CTNNA2: variants seen among roughly 807,000 people sequenced by gnomAD.
The protein encoded by CTNNA2 is catenin alpha-2.
A neutral mutation model predicts 101.0 loss-of-function variants in CTNNA2; 42 were observed. That is an observed-to-expected ratio of 0.42 (90% confidence interval 0.32 to 0.54). CTNNA2 has a LOEUF of 0.54. Among genes scored for constraint, CTNNA2 ranks in the 20% least tolerant of loss-of-function variants. The pLI, the probability that CTNNA2 is intolerant of heterozygous loss-of-function variation, is 0.14. For missense variants in CTNNA2, 871 were observed against 1,223.1 expected (o/e 0.71, Z 4.29); for synonymous variants, 450 against 456.4 (o/e 0.99, Z 0.18).
rs1292039462 is a variant in CTNNA2, at chr2:80,302,814, A to G, written c.1057-90397A>G. The G allele has an allele frequency of 6.2e-7, 1 of 1,613,920 alleles. No individual in the cohort carries two copies. Among genetic ancestry groups the G allele is most frequent in the Middle Eastern group, 1.6e-4 (1 of 6,062 alleles). ...CTGGCGCACTGCAAGTTGCCATCGT[A>G]GCGCCCCTGGAAGTTGTTGAGCCAC... is the stretch of plus-strand genomic sequence containing the variant. On this transcript the variant is annotated intron_variant, in intron 7 of 18. Coordinates refer to ENST00000402739, the MANE Select transcript of CTNNA2 (RefSeq NM_001282597.3). The surrounding 1 kb of genome is among the most constrained non-coding windows in gnomAD (Gnocchi z 6.4).
At chr2:80,606,388 A>C (rs1698010407) in intron 16 of CTNNA2, among the ~76,000 whole-genome samples, 1 of 116,334 alleles carries the variant, frequency 8.6e-6, no homozygotes, top group African/African-American at 3.6e-5. Context: ...ACACACACAC[A>C]CACACACACA....
chr2:79,869,950 A>T lies in CTNNA2; in HGVS notation c.585+15A>T, dbSNP rs558265304. ...GAAGACAACAGGTGGGAAAGATTTT[A>T]GAAATGCTAGGGGAGAAAATGGGTG... On this transcript the variant is annotated intron_variant, in intron 5 of 18. Transcript: ENST00000402739. 1.2e-5 allele frequency: 19 copies of T among 1,612,452 alleles called. No homozygotes were observed. The highest frequency in any genetic ancestry group is 1.6e-5 in the Non-Finnish European group (19 of 1,179,728).
chr2:79,370,792 T>G (rs1341948980), intron 3 of CTNNA2, among the ~76,000 whole-genome samples: 1 of 152,178 alleles, frequency 6.6e-6, no homozygotes, highest in Non-Finnish European at 1.5e-5. Flanking sequence ...TCTTCAAAAA[T>G]AGAGTCATGG....
At chr2:79,687,154 G>A (rs1234379024) in intron 2 of CTNNA2, among the ~76,000 whole-genome samples, 2 of 152,102 alleles carry the variant, frequency 1.3e-5, no homozygotes, top group African/African-American at 2.4e-5. Flanking sequence ...TGCTTGGTGA[G>A]CAGGGAATCA....
intron 2 of CTNNA2, among the ~76,000 whole-genome samples, chr2:79,663,988 C>T (rs185812326): frequency 4.6e-5 from 7 of 152,180 alleles, no homozygotes; most frequent in Admixed American, 1.3e-4. Flanking sequence ...ATTTGTTTTA[C>T]GAAGATGTTG....
At chr2:79,894,774 T>G (rs1684580774) in intron 6 of CTNNA2, among the ~76,000 whole-genome samples, 1 of 152,250 alleles carries the variant, frequency 6.6e-6, no homozygotes, top group African/African-American at 2.4e-5. Flanking sequence ...AGAATATTGT[T>G]CTGTTTTTTG....
At chr2:79,293,631 A>G (rs1325631268) in intron 2 of CTNNA2, among the ~76,000 whole-genome samples, 13 of 152,174 alleles carry the variant, frequency 8.5e-5, no homozygotes, top group Non-Finnish European at 1.8e-4. Context: ...TCAAAAGCTA[A>G]TAGAATTAAC....
intron 18 of CTNNA2, among the ~76,000 whole-genome samples, chr2:80,625,603 G>C (rs542264265): frequency 2.8e-4 from 43 of 151,924 alleles, no homozygotes; most frequent in Non-Finnish European, 5.3e-4. Context: ...GTTATAACAG[G>C]GAATATGTTT....
intron 9 of CTNNA2, among the ~76,000 whole-genome samples, chr2:80,471,138 T>C (rs969384757): frequency 6.6e-6 from 1 of 152,162 alleles, no homozygotes; most frequent in African/African-American, 2.4e-5. Context: ...AAGCACAGTA[T>C]GATTTATATT....
chr2:79,196,700 G>A (rs964000613), intron 1 of CTNNA2, among the ~76,000 whole-genome samples: 13 of 152,204 alleles, frequency 8.5e-5, no homozygotes, highest in African/African-American at 2.7e-4. Flanking sequence ...ATTTCAAAAT[G>A]TTCTGCTTTA....
At chr2:79,319,976 T>G (rs1304352459) in intron 3 of CTNNA2, 1 of 152,180 alleles carries the variant, frequency 6.6e-6, no homozygotes, top group East Asian at 1.9e-4. Flanking sequence ...TTCCCAGCCC[T>G]AGCACTACCT....
intron 1 of CTNNA2, among the ~76,000 whole-genome samples, chr2:79,596,289 G>T (rs1324871788): frequency 6.6e-6 from 1 of 152,024 alleles, no homozygotes; most frequent in Non-Finnish European, 1.5e-5. Context: ...ACAGGAGATA[G>T]TTTGTCTCAT....
chr2:79,796,901 A>G (rs1366215011), intron 3 of CTNNA2, among the ~76,000 whole-genome samples: 3 of 152,118 alleles, frequency 2.0e-5, no homozygotes, highest in African/African-American at 7.2e-5. Context: ...CAGTGCAGGG[A>G]TGAGATAGAT....
intron 7 of CTNNA2, among the ~76,000 whole-genome samples, chr2:80,126,985 C>G (rs1265133480): frequency 6.6e-6 from 1 of 152,160 alleles, no homozygotes; most frequent in Non-Finnish European, 1.5e-5. Context: ...AAATACGGCT[C>G]TTAGTCACAA....
intron 4 of CTNNA2, among the ~76,000 whole-genome samples, chr2:79,411,582 G>A (rs1205956850): frequency 9.9e-5 from 15 of 152,044 alleles, no homozygotes; most frequent in Admixed American, 4.6e-4. Flanking sequence ...GAGAGTGGGG[G>A]CCAATATTCA....
intron 7 of CTNNA2, among the ~76,000 whole-genome samples, chr2:80,201,373 T>C (rs1474650149): frequency 7.2e-6 from 1 of 138,290 alleles, no homozygotes; most frequent in Non-Finnish European, 1.6e-5. Context: ...CTTTCTTTTT[T>C]TTTTTTTTTT....
intron 12 of CTNNA2, among the ~76,000 whole-genome samples, chr2:80,569,701 G>T (rs1694403461): frequency 8.0e-6 from 1 of 125,100 alleles, no homozygotes; most frequent in Non-Finnish European, 1.6e-5. Context: ...GGAGTGCAGT[G>T]GCACCACCTC....
At chr2:79,203,125 C>G (rs1430586234) in intron 2 of CTNNA2, among the ~76,000 whole-genome samples, 2 of 152,136 alleles carry the variant, frequency 1.3e-5, no homozygotes, top group Non-Finnish European at 2.9e-5. Context: ...CCACAGGTAG[C>G]CAAGTTGTTG....
At chr2:79,324,363 G>A (rs1341300269) in intron 3 of CTNNA2, among the ~76,000 whole-genome samples, 2 of 152,062 alleles carry the variant, frequency 1.3e-5, no homozygotes, top group African/African-American at 4.8e-5. Flanking sequence ...TGCTGTCCTA[G>A]TTGTCTGGTA....
Sources: allele counts gnomAD v4.1 joint callset (sites outside exome capture counted in the v4.1 genomes callset), GRCh38; gene constraint gnomAD v4.1.1; non-coding constraint Gnocchi (gnomAD v3.1); transcripts MANE v1.5; gene names NCBI Gene and HGNC (gene_info 2026-07-23, HGNC 2026-07-21).